ADD2: variants seen among roughly 807,000 people sequenced by gnomAD.
ADD2 encodes the protein beta-adducin.
In ADD2, 23 loss-of-function variants were observed where a neutral mutation model predicts 83.0. The observed-to-expected ratio is 0.28, with a 90% CI of 0.20 to 0.39. The LOEUF (loss-of-function observed/expected upper bound fraction) is 0.39. Ranked by LOEUF, ADD2 falls within the 10% of genes least tolerant of loss-of-function variation. ADD2 has a pLI of 1.00. For synonymous variants in ADD2, 375 were observed against 375.4 expected, an observed-to-expected ratio of 1.00 and a Z score of 0.01; for missense variants, 758 against 944.9, an observed-to-expected ratio of 0.80 and a Z score of 2.59.
intron 10 of ADD2, among the ~76,000 whole-genome samples, chr2:70,682,270 A>G (rs1553369702): frequency 6.6e-6 from 1 of 152,204 alleles, no homozygotes; most frequent in Non-Finnish European, 1.5e-5. Context: ...TCCTCTCAGA[A>G]AGAGTTTAAA....
intron 1 of ADD2, among the ~76,000 whole-genome samples, chr2:70,717,395 G>A (rs1441738070): frequency 1.3e-5 from 2 of 152,086 alleles, no homozygotes. Context: ...TGTTAAAATC[G>A]GCTTAAGCTT....
chr2:70,725,498 G>C (rs1672942660), intron 1 of ADD2, among the ~76,000 whole-genome samples: 1 of 152,140 alleles, frequency 6.6e-6, no homozygotes, highest in Non-Finnish European at 1.5e-5. Context: ...ATGTAATAAA[G>C]TTAAGCATCT....
chr2:70,749,207 G>A (rs184870508), intron 1 of ADD2, among the ~76,000 whole-genome samples: 25 of 152,256 alleles, frequency 1.6e-4, no homozygotes, highest in Non-Finnish European at 5.9e-5. Flanking sequence ...TAGATCTCAT[G>A]AGAACTCACT....
intron 12 of ADD2, among the ~76,000 whole-genome samples, chr2:70,677,377 GT>G (rs1670214673): frequency 6.6e-6 from 1 of 152,168 alleles, no homozygotes; most frequent in East Asian, 1.9e-4. Flanking sequence ...TACAACTGCA[GT>G]TTTAAAGTAA....
chr2:70,745,103 G>T (rs1298060534), intron 1 of ADD2, among the ~76,000 whole-genome samples: 2 of 151,960 alleles, frequency 1.3e-5, no homozygotes, highest in African/African-American at 4.8e-5. Flanking sequence ...TGGCTAACAT[G>T]GTGAAACCCC....
rs782723163 is a variant in ADD2, at chr2:70,688,039, A to G, written c.933T>C (p.Ala311=). The change falls in exon 9 of 16, where the codon GCT becomes GCC. Residue 311 remains alanine (A), a synonymous_variant. Transcript: ENST00000264436. ...EAFYKIFHLQ[A]ACEIQVSALS... is the part of the protein sequence containing the mutation. ...ATTTGCTCACCTGTATCTCACATGC[A>G]GCCTGCAGGTGGAAGATCTTGTAAA... 6.2e-7 allele frequency: 1 copy of G among 1,614,112 alleles called. No homozygotes were observed. The highest frequency in any genetic ancestry group is 8.5e-7 in the Non-Finnish European group (1 of 1,179,930).
In ADD2 at chr2:70,662,523, C is replaced by T. The variant is rs1553365189; in HGVS notation, c.*902G>A. On this transcript the variant is annotated 3_prime_UTR_variant, in exon 16 of 16. Coordinates refer to ENST00000264436, the MANE Select transcript of ADD2 (RefSeq NM_001617.4). ...AGGTACAGTGCATTGCTCCAGGTGTCATGCAAAGCTAGAAAGTCAGCATTT... is the reference window on the plus strand; with the variant it reads ...AGGTACAGTGCATTGCTCCAGGTGTTATGCAAAGCTAGAAAGTCAGCATTT... 1.3e-5 allele frequency: 2 copies of T among 152,244 alleles called. No individual in the cohort carries two copies. The highest frequency in any genetic ancestry group is 2.9e-5 in the Non-Finnish European group (2 of 68,048). 9.4% of individuals were successfully genotyped at this position (152,244 alleles called of 1,614,324 possible). A position where few individuals can be genotyped will look rare whatever the true frequency, so the allele number is the denominator to read the frequency against.
intron 1 of ADD2, among the ~76,000 whole-genome samples, chr2:70,741,890 C>A (rs548195588): frequency 6.6e-6 from 1 of 151,894 alleles, no homozygotes; most frequent in African/African-American, 2.4e-5. Context: ...GCTCCTCCCC[C>A]ACACATCCCA....
chr2:70,701,931 C>T (rs1041663679), intron 4 of ADD2, among the ~76,000 whole-genome samples: 5 of 152,142 alleles, frequency 3.3e-5, no homozygotes, highest in South Asian at 4.1e-4. Flanking sequence ...TTACAATTCA[C>T]TCATGTAAAT....
chr2:70,726,473 C>T (rs1673006962), intron 1 of ADD2, among the ~76,000 whole-genome samples: 1 of 152,150 alleles, frequency 6.6e-6, no homozygotes, highest in African/African-American at 2.4e-5. Flanking sequence ...GTTCATCACT[C>T]CCTAACAGGG....
At chr2:70,684,197 G>C (rs146821202) in intron 9 of ADD2, among the ~76,000 whole-genome samples, 2,230 of 152,204 alleles carry the variant, frequency 0.015, 56 homozygotes, top group African/African-American at 0.051. Context: ...GGTAGGTATG[G>C]GTGTCTATTA....
intron 1 of ADD2, among the ~76,000 whole-genome samples, chr2:70,740,234 A>G (rs1370135661): frequency 9.8e-5 from 15 of 152,346 alleles, no homozygotes; most frequent in African/African-American, 3.4e-4. Flanking sequence ...TAAATAACAT[A>G]GCACTGGACT....
chr2:70,710,808 A>G (rs1411915283), intron 2 of ADD2, among the ~76,000 whole-genome samples: 1 of 152,214 alleles, frequency 6.6e-6, no homozygotes, highest in East Asian at 1.9e-4. Context: ...CGTACTTGTG[A>G]GGATTAGTGA....
At chr2:70,667,604 A>G (rs1669698595) in intron 15 of ADD2, among the ~76,000 whole-genome samples, 1 of 152,058 alleles carries the variant, frequency 6.6e-6, no homozygotes, top group South Asian at 2.1e-4. Flanking sequence ...TGTGTCTGTG[A>G]GGGTGTTTCC....
At chr2:70,695,902 A>T (rs1344702298) in intron 5 of ADD2, 101 bp from the exon 6 acceptor site, 3 of 1,000,580 alleles carry the variant, frequency 3.0e-6, no homozygotes, top group Non-Finnish European at 4.6e-6. Context: ...ACTGCACCCA[A>T]GTCCATCTCT....
chr2:70,726,186 C>CAAAAAAAAAAAAAAA (rs34333514), intron 1 of ADD2, among the ~76,000 whole-genome samples: 2 of 45,490 alleles, frequency 4.4e-5, no homozygotes, highest in African/African-American at 7.8e-5. Context: ...GACTCCATCT[C>CAAAAAAAAAAAAAAA]AAAAAAAAAA....
intron 1 of ADD2, among the ~76,000 whole-genome samples, chr2:70,765,152 A>T (rs970178394): frequency 6.6e-6 from 1 of 152,180 alleles, no homozygotes; most frequent in Admixed American, 6.5e-5. Context: ...CAAGGATTTG[A>T]GACCAGCCTG....
intron 1 of ADD2, among the ~76,000 whole-genome samples, chr2:70,716,990 C>A (rs932983986): frequency 6.6e-6 from 1 of 152,106 alleles, no homozygotes; most frequent in Admixed American, 6.5e-5. Flanking sequence ...CACACAACAA[C>A]CTCCTTGGCT....
At chr2:70,728,636 T>TGCAAAAGGGCAAAAGG (rs1558564153) in intron 1 of ADD2, among the ~76,000 whole-genome samples, 1 of 152,242 alleles carries the variant, frequency 6.6e-6, no homozygotes. Flanking sequence ...ATTGCCCTTT[T>TGCAAAAGGGCAAAAGG]GCGAGTTATT....
Sources: allele counts gnomAD v4.1 joint callset (sites outside exome capture counted in the v4.1 genomes callset), GRCh38; gene constraint gnomAD v4.1.1; transcripts MANE v1.5; gene names NCBI Gene and HGNC (gene_info 2026-07-23, HGNC 2026-07-21).